Variants in SOX6 observed in about 807,000 individuals in gnomAD.
The protein encoded by SOX6 is SRY-box transcription factor 6.
SOX6 carries 11 observed loss-of-function variants against 97.8 expected under a neutral mutation model. The observed-to-expected ratio is 0.11, with a 90% CI of 0.07 to 0.19. The LOEUF (loss-of-function observed/expected upper bound fraction) is 0.19, where lower values mean the gene tolerates loss of function less well. Among genes scored for constraint, SOX6 ranks in the 10% least tolerant of loss-of-function variants. The pLI, the probability that SOX6 is intolerant of heterozygous loss-of-function variation, is 1.00. For synonymous variants in SOX6, 360 were observed against 371.4 expected (o/e 0.97, Z 0.35); for missense variants, 810 against 1,039.5 (o/e 0.78, Z 3.04).
chr11:16,514,179 G>A (rs964997442), intron 4 of SOX6, among the ~76,000 whole-genome samples: 41 of 141,978 alleles, frequency 2.9e-4, no homozygotes, highest in African/African-American at 1.1e-3. Flanking sequence ...TCATAACACT[G>A]CCCTCCAGCC....
chr11:16,446,680 T>G (rs1369571719), intron 1 of SOX6, among the ~76,000 whole-genome samples: 1 of 152,134 alleles, frequency 6.6e-6, no homozygotes, highest in Non-Finnish European at 1.5e-5. Context: ...TTATAGAAAA[T>G]GAAAGGAAAA....
chr11:16,561,578 G>C (rs547468395), intron 4 of SOX6, among the ~76,000 whole-genome samples: 2 of 152,022 alleles, frequency 1.3e-5, no homozygotes, highest in African/African-American at 4.8e-5. Context: ...AACAAAAATT[G>C]TTCTAAAACT....
At chr11:16,693,413 T>C (rs1281824043) in intron 3 of SOX6, among the ~76,000 whole-genome samples, 2 of 152,180 alleles carry the variant, frequency 1.3e-5, no homozygotes, top group African/African-American at 4.8e-5. Flanking sequence ...TTGTGTGTGA[T>C]TCTTCTAGTG....
At chr11:15,995,792 A>G (rs956828422) in intron 13 of SOX6, among the ~76,000 whole-genome samples, 4 of 152,208 alleles carry the variant, frequency 2.6e-5, no homozygotes, top group Non-Finnish European at 5.9e-5. Flanking sequence ...ATTATTCACT[A>G]GAAACAATGA....
At chr11:16,065,145 A>G (rs1848063513) in intron 9 of SOX6, among the ~76,000 whole-genome samples, 1 of 152,102 alleles carries the variant, frequency 6.6e-6, no homozygotes, top group African/African-American at 2.4e-5. Context: ...ACCCTATTAG[A>G]ACTGATAAAT....
intron 4 of SOX6, among the ~76,000 whole-genome samples, chr11:16,228,613 AATAT>A (rs1852755004): frequency 6.6e-6 from 1 of 152,272 alleles, no homozygotes; most frequent in Admixed American, 6.5e-5. Context: ...TGAAGTTGAT[AATAT>A]TGTGCTGCAT....
chr11:16,222,048 C>T (rs1385958815), intron 4 of SOX6, among the ~76,000 whole-genome samples: 3 of 152,094 alleles, frequency 2.0e-5, no homozygotes, highest in Non-Finnish European at 2.9e-5. Flanking sequence ...CTCTCTTTAA[C>T]TCCATATCAA....
chr11:16,641,322 C>G (rs927273570), intron 3 of SOX6, among the ~76,000 whole-genome samples: 1 of 152,152 alleles, frequency 6.6e-6, no homozygotes, highest in Admixed American at 6.6e-5. Flanking sequence ...GAGTGCTTTA[C>G]TTCCAACTAT....
At chr11:16,222,109 G>A (rs1023215561) in intron 4 of SOX6, among the ~76,000 whole-genome samples, 4 of 152,056 alleles carry the variant, frequency 2.6e-5, no homozygotes, top group Non-Finnish European at 4.4e-5. Flanking sequence ...TATCAAAGCC[G>A]ACTAAATGCA....
At chr11:16,026,219 A>C (rs1273886287) in intron 12 of SOX6, among the ~76,000 whole-genome samples, 1 of 152,208 alleles carries the variant, frequency 6.6e-6, no homozygotes, top group Non-Finnish European at 1.5e-5. Context: ...TAAGATCTAT[A>C]CTGCAGCACA....
chr11:16,552,368 T>C (rs536695489), intron 4 of SOX6, among the ~76,000 whole-genome samples: 1 of 152,200 alleles, frequency 6.6e-6, no homozygotes, highest in Non-Finnish European at 1.5e-5. Context: ...GAAAGTAAGA[T>C]GTATGGAATT....
chr11:16,026,287 C>T (rs551111629), intron 12 of SOX6, among the ~76,000 whole-genome samples: 1 of 152,118 alleles, frequency 6.6e-6, no homozygotes, highest in Non-Finnish European at 1.5e-5. Context: ...AAGAAAAGCA[C>T]TAAAAAACAA....
intron 6 of SOX6, among the ~76,000 whole-genome samples, chr11:16,132,425 G>GAAA (rs1189802922): frequency 1.1e-5 from 1 of 91,974 alleles, no homozygotes; most frequent in African/African-American, 4.9e-5. Context: ...AAGAAAGAAA[G>GAAA]AAAGAAAGAA....
Position 16,413,841 on chromosome 11 carries a change from G to A in SOX6, c.-5+62474C>T, listed in dbSNP as rs546903355. On this transcript the variant is annotated intron_variant, in intron 1 of 15. Transcript: ENST00000396356. The stretch of plus-strand genomic sequence containing the variant: ...GGCCGAGTTCTACACTTTTAAATGC[G>A]TATACCACAAAAGTCTAACATTTTT... Among the ~76,000 whole-genome samples the A allele has an allele frequency of 9.9e-5, 15 of 152,114 alleles. No homozygotes were observed. The South Asian group carries it at 1.9e-3, about 19-fold the overall frequency.
At chr11:16,501,109 GAT>G (rs1387179768) in intron 4 of SOX6, among the ~76,000 whole-genome samples, 5 of 152,106 alleles carry the variant, frequency 3.3e-5, no homozygotes, top group Admixed American at 3.3e-4. Flanking sequence ...TACCAAAACA[GAT>G]ATATAGACCA....
At chr11:16,428,509 G>A (rs1374338863) in intron 1 of SOX6, among the ~76,000 whole-genome samples, 2 of 152,260 alleles carry the variant, frequency 1.3e-5, no homozygotes, top group South Asian at 2.1e-4. Flanking sequence ...TATATAAGGT[G>A]TAAGGAAGGG....
intron 3 of SOX6, chr11:16,252,493 A>C (rs938434464): frequency 5.3e-5 from 8 of 152,226 alleles, no homozygotes; most frequent in African/African-American, 1.9e-4. Flanking sequence ...AAGAACTCCA[A>C]GGATACCCAG....
At chr11:16,335,799 A>AT (rs1856442677) in intron 2 of SOX6, among the ~76,000 whole-genome samples, 1 of 152,190 alleles carries the variant, frequency 6.6e-6, no homozygotes, top group Admixed American at 6.5e-5. Context: ...TCCAGAGTTG[A>AT]TTAGCAACTT....
intron 1 of SOX6, among the ~76,000 whole-genome samples, chr11:16,421,685 C>A (rs974138661): frequency 2.0e-5 from 3 of 152,182 alleles, no homozygotes; most frequent in African/African-American, 7.2e-5. Context: ...CAATTAGGAA[C>A]TATGACTGTT....
Sources: allele counts gnomAD v4.1 joint callset (sites outside exome capture counted in the v4.1 genomes callset), GRCh38; gene constraint gnomAD v4.1.1; transcripts MANE v1.5; gene names NCBI Gene and HGNC (gene_info 2026-07-23, HGNC 2026-07-21).